The following SLC4A11 variants were observed in gnomAD, a reference collection of about 807,000 sequenced individuals.
SLC4A11 encodes the protein solute carrier family 4 member 11.
Under a neutral mutation model 95.0 loss-of-function variants are expected in SLC4A11, and 74 were observed. The observed-to-expected ratio is 0.78, with a 90% CI of 0.65 to 0.95. The LOEUF is 0.95. Among genes scored for constraint, SLC4A11 ranks in the 40% least tolerant of loss-of-function variants. The probability of loss-of-function intolerance (pLI) is 0.00; values close to 1 mark genes in which losing one functional copy is unlikely to be tolerated. For synonymous variants in SLC4A11, 548 were observed against 519.0 expected, an observed-to-expected ratio of 1.06 and a Z score of -0.76; for missense variants, 1,081 against 1,192.4, an observed-to-expected ratio of 0.91 and a Z score of 1.38.
chr20:3,236,452 G>GAAA (rs2067983618), intron 2 of SLC4A11, among the ~76,000 whole-genome samples: 1 of 152,144 alleles, frequency 6.6e-6, no homozygotes, highest in Non-Finnish European at 1.5e-5. Context: ...AGCCGGGTGT[G>GAAA]GTGGCGGGCG....
chr20:3,238,812 C>T (rs2068070065), intron 1 of SLC4A11: 1 of 1,166,700 alleles, frequency 8.6e-7, no homozygotes, highest in Admixed American at 4.7e-5. Context: ...TTCGAGCTCC[C>T]CGCCCTCGAC....
At chr20:3,239,212 G>T, upstream of SLC4A11, 7 of 1,330,186 alleles carry the variant, frequency 5.3e-6, no homozygotes, top group South Asian at 1.9e-5. Context: ...TCGGCGACTC[G>T]GGCGGGCCGG....
chr20:3,231,309 C>T lies in SLC4A11; in HGVS notation c.948+21G>A. ...ATGCCCCCGCCGACCCTGCCGGCCC[C>T]CGCCGGCCTCTACCCTGTACCTCTG... On this transcript the variant is annotated intron_variant, in intron 8 of 19. Transcript: ENST00000642402. This position sits in a 1 kb window ranked among gnomAD's most constrained non-coding sequence, Gnocchi z 5.2. 6.2e-7 allele frequency: 1 copy of T among 1,613,622 alleles called. No individual in the cohort carries two copies. The highest frequency in any genetic ancestry group is 8.5e-7 in the Non-Finnish European group (1 of 1,179,960).
chr20:3,233,353 C>T (rs968946862), intron 7 of SLC4A11, among the ~76,000 whole-genome samples, 161 bp downstream of exon 7: 17 of 152,108 alleles, frequency 1.1e-4, no homozygotes, highest in Non-Finnish European at 1.2e-4. Context: ...GAGGACTTGC[C>T]GGGCCTAGCA....
At position 3,230,073 on chromosome 20, in the gene SLC4A11, C is replaced by T. The variant is rs2067701646; in HGVS notation, c.1489+114G>A. Reference sequence around the variant, plus strand: ...GCTCCCAGAGCACCGCACCCTTGATCACGGGCACACACTCAGCTTGAGCCA... The same window carrying T: ...GCTCCCAGAGCACCGCACCCTTGATTACGGGCACACACTCAGCTTGAGCCA... On this transcript the variant is annotated intron_variant, in intron 13 of 19. Transcript: ENST00000642402. 3 of 1,315,380 alleles carry T rather than the reference C, an allele frequency of 2.3e-6. No homozygotes were observed. In the South Asian group the frequency reaches 3.6e-5, roughly 16 times the overall value. 81.5% of individuals were successfully genotyped at this position (1,315,380 alleles called of 1,614,324 possible).
chr20:3,228,617 C>A lies in SLC4A11; in HGVS notation c.2283G>T (p.Gln761His), dbSNP rs749061197. 2 of 1,613,284 alleles carry A rather than the reference C, an allele frequency of 1.2e-6. No individual in the cohort carries two copies. Among genetic ancestry groups the A allele is most frequent in the Admixed American group, 3.3e-5 (2 of 60,030 alleles). ...CATAGAGCACGGGCTTGGGGATCCACTGAAGCGGGACCGGCAGCAGCAACA... is the reference window on the plus strand; with the variant it reads ...CATAGAGCACGGGCTTGGGGATCCAATGAAGCGGGACCGGCAGCAGCAACA... The part of the protein sequence containing the change: ...LSLLLLPVPL[Q>H]WIPKPVLYGL... The change falls in exon 18 of 20, where the codon CAG becomes CAT. Residue 761 changes from glutamine to histidine, a missense_variant. Transcript: ENST00000642402.
At position 3,233,619 on chromosome 20, in the gene SLC4A11, T is replaced by C. The variant is rs779213949; in HGVS notation, c.624A>G (p.Leu208=). The change falls in exon 7 of 20, where the codon CTA becomes CTG. Residue 208 remains leucine, a synonymous_variant. Transcript: ENST00000642402. ...GGCTGATGCACACGTGCCGCTTCTG[T>C]AGGGCCTTCATGGTACAGCTGGCAG... The part of the protein sequence containing the change: ...WLCIICTMKA[L]QKRHVCISRL... 8 of 1,612,992 alleles carry C rather than the reference T, an allele frequency of 5.0e-6. No homozygotes were observed. Among genetic ancestry groups the C allele is most frequent in the Middle Eastern group, 1.6e-4 (1 of 6,062 alleles).
At chr20:3,232,254 G>T (rs180704684) in intron 7 of SLC4A11, among the ~76,000 whole-genome samples, 9 of 152,294 alleles carry the variant, frequency 5.9e-5, no homozygotes, top group African/African-American at 2.2e-4. Context: ...TCTCTCTCTC[G>T]CCCGGCCAAG....
At chr20:3,237,721 G>A in intron 1 of SLC4A11, 133 bp from the exon 2 acceptor site, 2 of 1,613,982 alleles carry the variant, frequency 1.2e-6, no homozygotes, top group African/African-American at 1.3e-5. Flanking sequence ...CCACCCTAGG[G>A]AGAAAGGGAA....
Position 3,239,114 on chromosome 20 carries a change from C to A in SLC4A11, c.24G>T (p.Val8=). 6.8e-7 allele frequency: 1 copy of A among 1,477,568 alleles called. No homozygotes were observed. The highest frequency in any genetic ancestry group is 8.9e-7 in the Non-Finnish European group (1 of 1,118,890). The allele number at this position is 1,477,568 out of a possible 1,614,324, so 91.5% of individuals were successfully genotyped here. The change falls in exon 1 of 20, where the codon GTG becomes GTT. Residue 8 remains valine (V), a synonymous_variant. Transcript: ENST00000642402. MAAATRR[V]FHLQPCENSP... ...ACCCACCGCACGGCTGCAGATGGAA[C>A]ACGCGCCTGGTGGCCGCGGCCATGG...
intron 19 of SLC4A11, 105 bp from the exon 20 acceptor site, chr20:3,227,961 C>G: frequency 1.0e-6 from 1 of 974,866 alleles, no homozygotes; most frequent in Non-Finnish European, 1.5e-6. Flanking sequence ...CTAGGCCTCT[C>G]CTCCCCGCCC....
chr20:3,229,284 C>CAG (rs1568530156), intron 15 of SLC4A11, 21 bp from the exon 16 acceptor site: 1 of 1,613,078 alleles, frequency 6.2e-7, no homozygotes, highest in South Asian at 1.1e-5. Context: ...GGACAGGCTA[C>CAG]TGCTATGCCT....
chr20:3,230,904 C>G, intron 10 of SLC4A11, 29 bp downstream of exon 10: 9 of 1,613,380 alleles, frequency 5.6e-6, no homozygotes, highest in Non-Finnish European at 7.6e-6. Context: ...CAGCATACCC[C>G]CACCCACCGC....
chr20:3,238,381 A>ATGTG, intron 1 of SLC4A11: 1 of 984,302 alleles, frequency 1.0e-6, no homozygotes, highest in African/African-American at 1.8e-5. Context: ...GGGGCGCAGG[A>ATGTG]TGTGAATGCA....
At position 3,227,674 on chromosome 20, in the gene SLC4A11, G is replaced by A; in HGVS notation, c.*113C>T. On this transcript the variant is annotated 3_prime_UTR_variant, in exon 20 of 20. Coordinates refer to ENST00000642402, the MANE Select transcript of SLC4A11 (RefSeq NM_001174089.2). ...TGCCCCAGGCCTGAGTCAGCCATGA[G>A]AAGGCGCAGCACAGAGCAGTCACCC... The A allele has an allele frequency of 8.7e-7, 1 of 1,147,498 alleles. No homozygotes were observed. Among genetic ancestry groups the A allele is most frequent in the African/African-American group, 1.5e-5 (1 of 65,822 alleles). The allele number at this position is 1,147,498 out of a possible 1,614,324, so 71.1% of individuals were successfully genotyped here.
Position 3,234,711 on chromosome 20 carries a change from C to T in SLC4A11, c.241+31G>A. The T allele has an allele frequency of 1.2e-6, 2 of 1,613,890 alleles. No individual in the cohort carries two copies. Among genetic ancestry groups the T allele is most frequent in the African/African-American group, 1.3e-5 (1 of 75,020 alleles). ...CACACCTGCCCAGTCCCGTGCCTTC[C>T]CCCAGTCTGCCCCTGCTGCAGCCCC... On this transcript the variant is annotated intron_variant, in intron 3 of 19. Coordinates refer to ENST00000642402, the MANE Select transcript of SLC4A11 (RefSeq NM_001174089.2). This position sits in a 1 kb window ranked among gnomAD's most constrained non-coding sequence, Gnocchi z 5.8.
intron 2 of SLC4A11, among the ~76,000 whole-genome samples, chr20:3,235,211 T>C (rs1273285952): frequency 6.6e-6 from 1 of 151,922 alleles, no homozygotes; most frequent in Non-Finnish European, 1.5e-5. Context: ...ATAATGCAGA[T>C]GAGACTGCCT....
At position 3,231,966 on chromosome 20, in the gene SLC4A11, C is replaced by A. The variant is rs557687360; in HGVS notation, c.730-418G>T. Among the ~76,000 whole-genome samples the A allele has an allele frequency of 6.6e-6, 1 of 152,308 alleles. No individual in the cohort carries two copies. The highest frequency in any genetic ancestry group is 2.4e-5 in the African/African-American group (1 of 41,570). The stretch of plus-strand genomic sequence containing the variant: ...AGCCACTGTGCCCAGATGCTGGTAG[C>A]AGGTTTTATTCCACAAAGTTCAGGC... On this transcript the variant is annotated intron_variant, in intron 7 of 19. Coordinates refer to ENST00000642402, the MANE Select transcript of SLC4A11 (RefSeq NM_001174089.2). The surrounding 1 kb of genome is among the most constrained non-coding windows in gnomAD (Gnocchi z 5.2).
At chr20:3,237,356 C>G (rs60704773) in intron 2 of SLC4A11, among the ~76,000 whole-genome samples, 188 bp downstream of exon 2, 1 of 133,418 alleles carries the variant, frequency 7.5e-6, no homozygotes, top group African/African-American at 2.5e-5. Context: ...GCAGCCTGCC[C>G]TCTCAGGTCC....
Sources: allele counts gnomAD v4.1 joint callset (sites outside exome capture counted in the v4.1 genomes callset), GRCh38; gene constraint gnomAD v4.1.1; non-coding constraint Gnocchi (gnomAD v3.1); transcripts MANE v1.5; gene names NCBI Gene and HGNC (gene_info 2026-07-23, HGNC 2026-07-21).